GLIS3: variants seen among roughly 807,000 people sequenced by gnomAD.
GLIS3 encodes GLIS family zinc finger 3.
GLIS3 carries 53 observed loss-of-function variants against 78.6 expected under a neutral mutation model. The observed-to-expected ratio is 0.67, with a 90% CI of 0.54 to 0.85. GLIS3 has a LOEUF of 0.85. Ranked by LOEUF, GLIS3 falls within the 40% of genes least tolerant of loss-of-function variation. The probability of loss-of-function intolerance (pLI) is 0.00; values close to 1 mark genes in which losing one functional copy is unlikely to be tolerated. For missense variants in GLIS3, 1,703 were observed against 1,231.1 expected, an observed-to-expected ratio of 1.38 and a Z score of -5.74; for synonymous variants, 684 against 509.9, an observed-to-expected ratio of 1.34 and a Z score of -4.60.
intron 2 of GLIS3, among the ~76,000 whole-genome samples, chr9:4,224,688 A>C (rs759513738): frequency 6.8e-6 from 1 of 147,108 alleles, no homozygotes; most frequent in Non-Finnish European, 1.5e-5. Context: ...CCCTTCTCCT[A>C]TTCCCCCACT....
chr9:4,039,094 G>C (rs1824575325), intron 4 of GLIS3, among the ~76,000 whole-genome samples: 1 of 152,116 alleles, frequency 6.6e-6, no homozygotes, highest in Non-Finnish European at 1.5e-5. Context: ...GGCACCATAC[G>C]TTGCTATAAT....
the GLIS3 span, among the ~76,000 whole-genome samples, chr9:4,394,219 A>G: frequency 1.3e-5 from 2 of 151,840 alleles, no homozygotes; most frequent in Admixed American, 1.3e-4. Context: ...GGATTTTTAG[A>G]TTTTCTTTTA....
intron 4 of GLIS3, among the ~76,000 whole-genome samples, chr9:4,014,157 T>A (rs182363419): frequency 1.2e-3 from 184 of 152,256 alleles, no homozygotes; most frequent in African/African-American, 4.3e-3. Context: ...GCAAAACCAA[T>A]GGCTGGATTT....
intron 2 of GLIS3, among the ~76,000 whole-genome samples, chr9:4,334,904 CTT>C (rs56017714): frequency 0.11 from 11,863 of 106,684 alleles, 365 homozygotes; most frequent in Middle Eastern, 0.19. Flanking sequence ...TCATTTCCAC[CTT>C]TTTTTTTTTT....
rs368684494 is a variant in GLIS3, at chr9:4,211,711, T to C, written c.388+74327A>G. On this transcript the variant is annotated intron_variant, in intron 2 of 10. Coordinates refer to ENST00000381971, the MANE Select transcript of GLIS3 (RefSeq NM_001042413.2). ...GAAGTCATCCTTCTACTGAAAGACT[T>C]GTATGTGAATGTTCATAGCAGCACT... is the stretch of plus-strand genomic sequence containing the variant. 5.9e-5 allele frequency among the ~76,000 whole-genome samples: 9 copies of C among 152,304 alleles called. No individual in the cohort carries two copies. In the East Asian group the frequency reaches 1.7e-3, roughly 29 times the overall value.
At chr9:4,066,434 G>T (rs895849957) in intron 4 of GLIS3, among the ~76,000 whole-genome samples, 2 of 152,150 alleles carry the variant, frequency 1.3e-5, no homozygotes, top group South Asian at 2.1e-4. Context: ...TCCTGGTTGT[G>T]AAACAAGAGT....
At chr9:4,309,973 G>A (rs1265174259) in intron 3 of GLIS3, among the ~76,000 whole-genome samples, 1 of 152,182 alleles carries the variant, frequency 6.6e-6, no homozygotes, top group African/African-American at 2.4e-5. Context: ...AATAAGACAT[G>A]GTCCCTGAAT....
chr9:4,185,712 G>C (rs1817724648), intron 2 of GLIS3, among the ~76,000 whole-genome samples: 2 of 152,180 alleles, frequency 1.3e-5, no homozygotes, highest in Non-Finnish European at 2.9e-5. Context: ...TGAGAAGAAA[G>C]TGCTCTTTCT....
chr9:3,991,537 C>T (rs541293940), intron 4 of GLIS3, among the ~76,000 whole-genome samples: 2 of 152,174 alleles, frequency 1.3e-5, no homozygotes, highest in Admixed American at 6.5e-5. Flanking sequence ...CTTCCTATAT[C>T]TTAATTTGCC....
the GLIS3 span, among the ~76,000 whole-genome samples, chr9:4,401,970 T>A: frequency 6.0e-4 from 92 of 152,176 alleles, no homozygotes; most frequent in African/African-American, 2.0e-3. Flanking sequence ...TTAGCTATAG[T>A]AGAATAGAAC....
intron 6 of GLIS3, among the ~76,000 whole-genome samples, chr9:3,923,083 C>T (rs766904804): frequency 3.9e-5 from 6 of 152,188 alleles, no homozygotes; most frequent in Non-Finnish European, 5.9e-5. Context: ...GATAGCATGG[C>T]TGGGTGTAGT....
chr9:4,439,655 G>A, the GLIS3 span, among the ~76,000 whole-genome samples: 2 of 152,138 alleles, frequency 1.3e-5, no homozygotes, highest in African/African-American at 4.8e-5. Flanking sequence ...TTTCACATGA[G>A]AGATTATGCA....
chr9:4,100,442 G>C (rs908383369), intron 4 of GLIS3, among the ~76,000 whole-genome samples: 2 of 152,100 alleles, frequency 1.3e-5, no homozygotes, highest in African/African-American at 4.8e-5. Flanking sequence ...GGAAAACAAA[G>C]GGGAAAAAAG....
intron 2 of GLIS3, among the ~76,000 whole-genome samples, chr9:4,330,757 C>T (rs1404766986): frequency 6.6e-6 from 1 of 152,000 alleles, no homozygotes; most frequent in Admixed American, 6.6e-5. Flanking sequence ...TGGGAGCCCA[C>T]TGAGAAGAGG....
chr9:4,264,786 G>A (rs1825832238), intron 2 of GLIS3, among the ~76,000 whole-genome samples: 1 of 152,052 alleles, frequency 6.6e-6, no homozygotes, highest in African/African-American at 2.4e-5. Context: ...CTCACTGATT[G>A]CTACTTTCAT....
the GLIS3 span, among the ~76,000 whole-genome samples, chr9:4,422,520 C>G: frequency 6.6e-6 from 1 of 152,210 alleles, no homozygotes; most frequent in South Asian, 2.1e-4. Context: ...TCTGTTTCCC[C>G]TGGAAAATAT....
At chr9:4,386,129 A>C in the GLIS3 span, among the ~76,000 whole-genome samples, 2 of 152,312 alleles carry the variant, frequency 1.3e-5, no homozygotes, top group Admixed American at 6.5e-5. Flanking sequence ...GCACATGTCC[A>C]CAGTAGAAAT....
At chr9:3,971,685 G>A (rs945111455) in intron 4 of GLIS3, among the ~76,000 whole-genome samples, 7 of 152,272 alleles carry the variant, frequency 4.6e-5, no homozygotes, top group African/African-American at 9.6e-5. Context: ...TTGGCACACC[G>A]TAACTGCTCT....
chr9:4,426,089 C>T, the GLIS3 span, among the ~76,000 whole-genome samples: 2,586 of 152,256 alleles, frequency 0.017, 73 homozygotes, highest in African/African-American at 0.06. Context: ...AGGTGCCAAG[C>T]GCCCTGACAC....
Sources: allele counts gnomAD v4.1 joint callset (sites outside exome capture counted in the v4.1 genomes callset), GRCh38; gene constraint gnomAD v4.1.1; transcripts MANE v1.5; gene names NCBI Gene and HGNC (gene_info 2026-07-23, HGNC 2026-07-21).